Variants in XKR9 observed in about 807,000 individuals in gnomAD.
The protein encoded by XKR9 is XK related 9, also known as XK-related protein 9.
A neutral mutation model predicts 32.0 loss-of-function variants in XKR9; 32 were observed. The ratio of observed to expected loss-of-function variants is 1.00; its 90% CI spans 0.76 to 1.34. The LOEUF is 1.34. XKR9 is among the 40% of genes most tolerant of loss of function. The pLI is 0.00. For missense variants in XKR9, 546 were observed against 429.7 expected, an observed-to-expected ratio of 1.27 and a Z score of -2.39; for synonymous variants, 168 against 143.4, an observed-to-expected ratio of 1.17 and a Z score of -1.22.
At chr8:70,807,043 G>A in the XKR9 span, among the ~76,000 whole-genome samples, 3 of 152,154 alleles carry the variant, frequency 2.0e-5, no homozygotes, top group Non-Finnish European at 4.4e-5. Context: ...ACAAAGGGAA[G>A]CCCATCAGAC....
chr8:70,791,973 G>A (rs1442545423), downstream of XKR9, among the ~76,000 whole-genome samples: 3 of 152,028 alleles, frequency 2.0e-5, no homozygotes, highest in Non-Finnish European at 4.4e-5. Flanking sequence ...GCCAGGCTTT[G>A]GGCACGTGTC....
the XKR9 span, among the ~76,000 whole-genome samples, chr8:70,801,878 ATCT>A: frequency 3.3e-5 from 5 of 151,208 alleles, no homozygotes; most frequent in East Asian, 1.9e-4. Context: ...CAATAGTCAG[ATCT>A]TCTTATTGAA....
At position 70,724,548 on chromosome 8, in the gene XKR9, C is replaced by T. The variant is rs145153908; in HGVS notation, c.494-9248C>T. Among the ~76,000 whole-genome samples the T allele has an allele frequency of 8.4e-3, 1,285 of 152,174 alleles. 19 individuals carry two copies. Among genetic ancestry groups the T allele is most frequent in the African/African-American group, 0.029 (1,207 of 41,502 alleles). ...GGCACATGAAGGTTCTCCTGGTCTA[C>T]GGGTTGCAAAAACCGTGGGAAAAAG... On this transcript the variant is annotated intron_variant, in intron 4 of 4. Coordinates refer to ENST00000408926, the MANE Select transcript of XKR9 (RefSeq NM_001011720.2).
chr8:70,977,458 C>T, the XKR9 span, among the ~76,000 whole-genome samples: 2 of 152,142 alleles, frequency 1.3e-5, no homozygotes. Flanking sequence ...TCTTTGTTCT[C>T]ATGGTTTCAA....
intron 2 of XKR9, among the ~76,000 whole-genome samples, chr8:70,785,733 C>CTG (rs1182179782): frequency 1.8e-5 from 2 of 112,158 alleles, no homozygotes; most frequent in Admixed American, 1.7e-4. Context: ...CTCTCTCTCT[C>CTG]TCTCTCTATA....
chr8:70,774,953 C>T (rs1000243518), intron 2 of XKR9, among the ~76,000 whole-genome samples: 19 of 152,000 alleles, frequency 1.3e-4, no homozygotes, highest in Admixed American at 7.2e-4. Context: ...TGTATTGAAT[C>T]TTTGGATCAA....
the XKR9 span, among the ~76,000 whole-genome samples, chr8:70,926,552 C>T: frequency 1.3e-5 from 2 of 152,184 alleles, no homozygotes; most frequent in African/African-American, 4.8e-5. Context: ...CTTTAGAACA[C>T]AATCTCGCAA....
At chr8:70,756,687 A>G (rs1332753297) in intron 2 of XKR9, among the ~76,000 whole-genome samples, 1 of 152,202 alleles carries the variant, frequency 6.6e-6, no homozygotes, top group Non-Finnish European at 1.5e-5. Context: ...TAGACATACT[A>G]TTGATTTTTG....
At chr8:70,979,891 T>C in the XKR9 span, among the ~76,000 whole-genome samples, 1 of 152,258 alleles carries the variant, frequency 6.6e-6, no homozygotes, top group Non-Finnish European at 1.5e-5. Flanking sequence ...CAGGCGGGCC[T>C]CCTTGAGCTA....
chr8:70,775,721 C>G (rs1380513436), intron 2 of XKR9, among the ~76,000 whole-genome samples: 1 of 150,630 alleles, frequency 6.6e-6, no homozygotes, highest in East Asian at 1.9e-4. Flanking sequence ...AGATTTTTGC[C>G]TCTGCGTACA....
At chr8:70,932,164 ATTG>A in the XKR9 span, among the ~76,000 whole-genome samples, 2 of 151,748 alleles carry the variant, frequency 1.3e-5, no homozygotes, top group Non-Finnish European at 2.9e-5. Context: ...AAAATATTAT[ATTG>A]TTATTATTAA....
the XKR9 span, among the ~76,000 whole-genome samples, chr8:70,912,886 C>T: frequency 2.0e-5 from 3 of 152,060 alleles, no homozygotes; most frequent in African/African-American, 7.2e-5. Flanking sequence ...TCTGAAATAA[C>T]AAAGTAATTA....
chr8:70,733,740 A>C, intron 4 of XKR9, 56 bp from the exon 5 acceptor site: 1 of 1,400,466 alleles, frequency 7.1e-7, no homozygotes, highest in South Asian at 1.6e-5. Flanking sequence ...GGATATAGTA[A>C]TCTAATATTT....
rs1336652102 is a variant in XKR9, at chr8:70,708,110, ATTGT to A, written c.493+959_493+962del. ...CTTCTAATATTTTACCTTTACTTTG[ATTGT>A]TAGTAAGACACAAAATGATTGTGTG... On this transcript the variant is annotated intron_variant, in intron 4 of 4. Transcript: ENST00000408926. Among the ~76,000 whole-genome samples the A allele has an allele frequency of 3.3e-5, 5 of 151,824 alleles. No homozygotes were observed. In the East Asian group the frequency reaches 5.8e-4, roughly 18 times the overall value.
At chr8:70,697,834 A>G (rs1805343762) in intron 3 of XKR9, among the ~76,000 whole-genome samples, 1 of 151,908 alleles carries the variant, frequency 6.6e-6, no homozygotes. Context: ...CTGGTTGGTA[A>G]GCTATTGATT....
the XKR9 span, among the ~76,000 whole-genome samples, chr8:71,043,878 C>T: frequency 4.6e-5 from 7 of 151,432 alleles, no homozygotes; most frequent in East Asian, 1.2e-3. Flanking sequence ...TTATAAATGA[C>T]ATTGGATTTG....
In XKR9 at chr8:70,775,462, T is replaced by A. The variant is rs1807506071; in HGVS notation, n.353-13877T>A. ...TTAGCTGTAGATATTTAGTAGATACTCTTTCTCAGGTTTTCTTCTAGTCCC... is the reference window on the plus strand; with the variant it reads ...TTAGCTGTAGATATTTAGTAGATACACTTTCTCAGGTTTTCTTCTAGTCCC... On this transcript the variant is annotated intron_variant and non_coding_transcript_variant, in intron 2 of 3. Transcript: ENST00000520273. Among the ~76,000 whole-genome samples the A allele has an allele frequency of 2.0e-5, 3 of 152,112 alleles. No homozygotes were observed. In the South Asian group the frequency reaches 6.2e-4, roughly 31 times the overall value.
At chr8:70,745,140 T>G (rs1807040105) in intron 2 of XKR9, among the ~76,000 whole-genome samples, 1 of 133,850 alleles carries the variant, frequency 7.5e-6, no homozygotes, top group Admixed American at 7.2e-5. Flanking sequence ...AACAAACATT[T>G]TCTTATTGGT....
chr8:70,952,589 G>T, the XKR9 span, among the ~76,000 whole-genome samples: 1 of 152,196 alleles, frequency 6.6e-6, no homozygotes, highest in East Asian at 1.9e-4. Flanking sequence ...ATAGAGAGAA[G>T]AGGCATTGAA....
Sources: allele counts gnomAD v4.1 joint callset (sites outside exome capture counted in the v4.1 genomes callset), GRCh38; gene constraint gnomAD v4.1.1; transcripts MANE v1.5; gene names NCBI Gene and HGNC (gene_info 2026-07-23, HGNC 2026-07-21).